Variants in KLHL5 observed in about 807,000 individuals in gnomAD.
KLHL5 encodes the protein kelch like family member 5.
Under a neutral mutation model 77.7 loss-of-function variants are expected in KLHL5, and 48 were observed. That is an observed-to-expected ratio of 0.62 (90% CI 0.49 to 0.79). The LOEUF (loss-of-function observed/expected upper bound fraction) is 0.79. Ranked by LOEUF, KLHL5 falls within the 30% of genes least tolerant of loss-of-function variation. KLHL5 has a pLI of 0.00. For missense variants in KLHL5, 723 were observed against 859.7 expected, an observed-to-expected ratio of 0.84 and a Z score of 1.99; for synonymous variants, 260 against 297.0, an observed-to-expected ratio of 0.88 and a Z score of 1.28.
chr4:39,053,802 C>T (rs1168303760), intron 1 of KLHL5, among the ~76,000 whole-genome samples: 1 of 151,938 alleles, frequency 6.6e-6, no homozygotes, highest in African/African-American at 2.4e-5. Context: ...TTAAAATGTC[C>T]CTTGCTTTAC....
At chr4:39,108,591 T>A (rs1161560249) in intron 8 of KLHL5, among the ~76,000 whole-genome samples, 1 of 152,192 alleles carries the variant, frequency 6.6e-6, no homozygotes, top group Non-Finnish European at 1.5e-5. Context: ...CACTATTACA[T>A]GTGATAAGAT....
At chr4:39,107,377 C>A (rs549599346) in intron 7 of KLHL5, among the ~76,000 whole-genome samples, 192 bp from the exon 8 acceptor site, 1 of 151,926 alleles carries the variant, frequency 6.6e-6, no homozygotes, top group African/African-American at 2.4e-5. Flanking sequence ...CCAGAACTAC[C>A]GTGCTATTTC....
chr4:39,082,601 T>C (rs977958881), intron 4 of KLHL5, among the ~76,000 whole-genome samples: 1 of 152,214 alleles, frequency 6.6e-6, no homozygotes, highest in East Asian at 1.9e-4. Flanking sequence ...GTATAAACTA[T>C]TTACAGCCAT....
downstream of KLHL5, among the ~76,000 whole-genome samples, chr4:39,130,919 G>A (rs1003959216): frequency 4.0e-5 from 6 of 149,686 alleles, no homozygotes; most frequent in African/African-American, 9.9e-5. Context: ...CTCGGCTCAC[G>A]GCAACCTCCA....
In KLHL5 at chr4:39,121,127, TC is replaced by T; in HGVS notation, c.*62del. 8.2e-7 allele frequency: 1 copy of T among 1,225,480 alleles called. No individual in the cohort carries two copies. Among genetic ancestry groups the T allele is most frequent in the Non-Finnish European group, 1.2e-6 (1 of 829,916 alleles). The allele number at this position is 1,225,480 out of a possible 1,614,324, so 75.9% of individuals were successfully genotyped here. A position where few individuals can be genotyped will look rare whatever the true frequency, so the allele number is the denominator to read the frequency against. ...TCCTTTATTAATTTAGTATAATTAT[TC>T]TATCAATGGATACATTTTTAGTAAA... On this transcript the variant is annotated 3_prime_UTR_variant, in exon 11 of 11. Coordinates refer to ENST00000504108, the MANE Select transcript of KLHL5 (RefSeq NM_015990.5).
chr4:39,107,721 C>G lies in KLHL5; in HGVS notation c.1678C>G (p.Leu560Val). Residue 560 changes from leucine to valine, a missense_variant, in exon 8 of 11, where the codon CTA becomes GTA. Transcript: ENST00000504108. Reference sequence around the variant, plus strand: ...TAGGAGTACAGTAGGTGTGGCAGTACTAAGTGGAAAGTAAGGAAATATTTA... The same window carrying G: ...TAGGAGTACAGTAGGTGTGGCAGTAGTAAGTGGAAAGTAAGGAAATATTTA... ...TPRSTVGVAVLSGKLYAVGGR... is the reference protein window; with the variant it reads ...TPRSTVGVAVVSGKLYAVGGR... 6.3e-7 allele frequency: 1 copy of G among 1,591,676 alleles called. No individual in the cohort carries two copies. Among genetic ancestry groups the G allele is most frequent in the South Asian group, 1.1e-5 (1 of 87,844 alleles).
intron 1 of KLHL5, among the ~76,000 whole-genome samples, chr4:39,050,220 T>C (rs1333400766): frequency 1.3e-5 from 2 of 152,188 alleles, no homozygotes; most frequent in Non-Finnish European, 2.9e-5. Flanking sequence ...TGAAAAATAC[T>C]AAATATATAA....
intron 1 of KLHL5, among the ~76,000 whole-genome samples, chr4:39,055,472 T>C (rs1464681174): frequency 1.3e-5 from 2 of 152,206 alleles, no homozygotes; most frequent in Admixed American, 1.3e-4. Flanking sequence ...GGGTACAGCT[T>C]ATGCAAGACA....
At chr4:39,084,340 C>T (rs1281582343) in intron 4 of KLHL5, among the ~76,000 whole-genome samples, 2 of 152,096 alleles carry the variant, frequency 1.3e-5, no homozygotes, top group Non-Finnish European at 2.9e-5. Context: ...CTGAACATGA[C>T]CTGGAGCAAG....
the KLHL5 span, among the ~76,000 whole-genome samples, chr4:39,136,864 G>A: frequency 6.6e-5 from 10 of 152,292 alleles, no homozygotes; most frequent in South Asian, 1.0e-3. Context: ...GAGCCCAAGC[G>A]TTGCAAGGAG....
intron 1 of KLHL5, among the ~76,000 whole-genome samples, chr4:39,045,601 A>T (rs767314018): frequency 4.0e-5 from 6 of 151,700 alleles, no homozygotes; most frequent in Non-Finnish European, 8.8e-5. Flanking sequence ...CGGGGACTTC[A>T]TTTTCCCGAG....
chr4:39,054,194 C>T (rs1485616596), intron 1 of KLHL5, among the ~76,000 whole-genome samples: 1 of 152,164 alleles, frequency 6.6e-6, no homozygotes, highest in African/African-American at 2.4e-5. Context: ...TCCTCATTTG[C>T]ACAACTACTC....
intron 6 of KLHL5, among the ~76,000 whole-genome samples, chr4:39,098,935 T>C (rs1721314287): frequency 6.6e-6 from 1 of 152,236 alleles, no homozygotes; most frequent in Admixed American, 6.5e-5. Context: ...AGTAAACATT[T>C]GGGAAAACTG....
chr4:39,107,613 G>C lies in KLHL5; in HGVS notation c.1570G>C (p.Asp524His). ...EGPMYAVGGH[D>H]GWSYLNTVER... ...TCCCATGTATGCCGTAGGAGGACAT[G>C]ATGGCTGGAGCTATCTGAACACAGT... The change falls in exon 8 of 11, where the codon GAT (aspartate) becomes CAT (histidine). Residue 524 changes from aspartate (D) to histidine (H), a missense_variant. Around this residue, in one of 3 missense-constraint regions of KLHL5, gnomAD observed 214 missense variants for 237.4 expected, o/e 0.90. Transcript: ENST00000504108. 6.2e-7 allele frequency: 1 copy of C among 1,612,502 alleles called. No homozygotes were observed. Among genetic ancestry groups the C allele is most frequent in the Non-Finnish European group, 8.5e-7 (1 of 1,178,850 alleles).
intron 5 of KLHL5, among the ~76,000 whole-genome samples, chr4:39,095,112 G>A (rs1428317781): frequency 1.3e-5 from 2 of 152,102 alleles, no homozygotes; most frequent in Admixed American, 6.5e-5. Context: ...ATTAGTGTGT[G>A]TATTACAAGG....
Position 39,124,837 on chromosome 4 carries a change from A to G in KLHL5, c.*3771A>G, listed in dbSNP as rs1043955692. ...AAAAAAAAAAAAAAATCAAAATTAAAAGCTTCTACATATCAAGGGACACTA... is the reference window on the plus strand; with the variant it reads ...AAAAAAAAAAAAAAATCAAAATTAAGAGCTTCTACATATCAAGGGACACTA... On this transcript the variant is annotated 3_prime_UTR_variant, in exon 11 of 11. Coordinates refer to ENST00000504108, the MANE Select transcript of KLHL5 (RefSeq NM_015990.5). Among the ~76,000 whole-genome samples, 1 of 149,158 alleles carries G rather than the reference A, an allele frequency of 6.7e-6. No homozygotes were observed. The highest frequency in any genetic ancestry group is 1.5e-5 in the Non-Finnish European group (1 of 66,974).
At chr4:39,101,466 T>G (rs1187198022) in intron 6 of KLHL5, among the ~76,000 whole-genome samples, 1 of 148,726 alleles carries the variant, frequency 6.7e-6, no homozygotes, top group African/African-American at 2.5e-5. Flanking sequence ...AACCTCACTA[T>G]AGCTAGAAAC....
In KLHL5 at chr4:39,113,010, CT is replaced by C. The variant is rs1722566575; in HGVS notation, c.1689-5del. On this transcript the variant is annotated splice_polypyrimidine_tract_variant and intron_variant, in intron 8 of 10. Coordinates refer to ENST00000504108, the MANE Select transcript of KLHL5 (RefSeq NM_015990.5). Reference sequence around the variant, plus strand: ...TGTCTTATTTATCATTTCATATATTCTTTTTGCAGACTTTATGCAGTTGGTG... The same window carrying C: ...TGTCTTATTTATCATTTCATATATTCTTTTGCAGACTTTATGCAGTTGGTG... The C allele has an allele frequency of 6.2e-7, 1 of 1,610,306 alleles. No individual in the cohort carries two copies. The highest frequency in any genetic ancestry group is 1.3e-5 in the African/African-American group (1 of 74,904).
intron 1 of KLHL5, among the ~76,000 whole-genome samples, chr4:39,075,262 C>T (rs577007532): frequency 4.6e-4 from 69 of 150,936 alleles, no homozygotes; most frequent in South Asian, 3.5e-3. Context: ...ACTCAGTAGG[C>T]GGAGGTTGTG....
Sources: allele counts gnomAD v4.1 joint callset (sites outside exome capture counted in the v4.1 genomes callset), GRCh38; gene constraint gnomAD v4.1.1; regional missense constraint gnomAD v4.1.1; transcripts MANE v1.5; gene names NCBI Gene and HGNC (gene_info 2026-07-23, HGNC 2026-07-21).